Variants in XDH observed in about 807,000 individuals in gnomAD.
XDH encodes the protein xanthine dehydrogenase/oxidase.
XDH carries 138 observed loss-of-function variants against 156.1 expected under a neutral mutation model. The observed-to-expected ratio is 0.88, with a 90% CI of 0.77 to 1.02. The LOEUF is 1.02. Among genes scored for constraint, XDH ranks in the 50% least tolerant of loss-of-function variants. XDH has a pLI of 0.00. For missense variants in XDH, 1,849 were observed against 1,684.9 expected (o/e 1.10, Z -1.71); for synonymous variants, 669 against 625.7 (o/e 1.07, Z -1.03).
rs1046534232 is a variant in XDH, at chr2:31,334,835, T to G, written c.*1123A>C. ...ACCCAGGCTTCTTGGCTCTTCTACC[T>G]CTGGTTGGGCTTGATTTTGATAGCA... is the stretch of plus-strand genomic sequence containing the variant. On this transcript the variant is annotated 3_prime_UTR_variant, in exon 36 of 36. Transcript: ENST00000379416. 6.6e-6 allele frequency: 1 copy of G among 152,138 alleles called. No individual in the cohort carries two copies. Among genetic ancestry groups the G allele is most frequent in the African/African-American group, 2.4e-5 (1 of 41,434 alleles). The allele number at this position is 152,138 out of a possible 1,614,324, so 9.4% of individuals were successfully genotyped here.
chr2:31,387,287 C>T (rs550930857), intron 8 of XDH, among the ~76,000 whole-genome samples: 33 of 152,236 alleles, frequency 2.2e-4, no homozygotes, highest in African/African-American at 5.8e-4. Flanking sequence ...TTGATTCTTT[C>T]GTTGCCATAA....
chr2:31,344,593 C>T, intron 31 of XDH, 91 bp downstream of exon 31: 1 of 1,474,522 alleles, frequency 6.8e-7, no homozygotes, highest in South Asian at 1.1e-5. Flanking sequence ...TCTCTCCTGA[C>T]CACAGCCTGG....
chr2:31,414,657 C>T lies in XDH; in HGVS notation c.10G>A (p.Asp4Asn). The stretch of plus-strand genomic sequence containing the variant: ...CCATTCACAAAGAAAACCAATTTGT[C>T]TGCTGTCATTGTCACAGGTTGGGGT... MTADKLVFFVNGRK... is the reference protein window; with the variant it reads MTANKLVFFVNGRK... The change falls in exon 1 of 36, where the codon GAC becomes AAC. Residue 4 changes from aspartate to asparagine, a missense_variant. Asp to Asn is a conservative substitution (Grantham distance 23, BLOSUM62 1). Coordinates refer to ENST00000379416, the MANE Select transcript of XDH (RefSeq NM_000379.4). 3.7e-6 allele frequency: 6 copies of T among 1,614,124 alleles called. No homozygotes were observed. The highest frequency in any genetic ancestry group is 5.1e-6 in the Non-Finnish European group (6 of 1,179,996).
chr2:31,388,489 T>C (rs567180242), intron 6 of XDH, among the ~76,000 whole-genome samples, 194 bp from the exon 7 acceptor site: 15 of 152,288 alleles, frequency 9.8e-5, no homozygotes, highest in African/African-American at 3.6e-4. Context: ...CTAACGTAGA[T>C]TAAACAACTC....
chr2:31,366,180 T>G (rs1358884588), intron 21 of XDH, 71 bp from the exon 22 acceptor site: 11 of 1,612,508 alleles, frequency 6.8e-6, no homozygotes, highest in Non-Finnish European at 9.3e-6. Context: ...AGGCAGAGCC[T>G]GTCCAACATG....
intron 35 of XDH, among the ~76,000 whole-genome samples, chr2:31,336,700 G>C (rs1333152233): frequency 2.0e-5 from 3 of 150,822 alleles, no homozygotes; most frequent in Non-Finnish European, 4.4e-5. Flanking sequence ...TTCACCCACT[G>C]TGTTGAGGTC....
chr2:31,342,942 T>C (rs1474415016), intron 31 of XDH, among the ~76,000 whole-genome samples: 1 of 152,180 alleles, frequency 6.6e-6, no homozygotes, highest in Admixed American at 6.5e-5. Flanking sequence ...TATAAATATA[T>C]GTGTATATCT....
intron 3 of XDH, among the ~76,000 whole-genome samples, chr2:31,402,560 C>T (rs1367967401): frequency 6.6e-6 from 1 of 152,086 alleles, no homozygotes; most frequent in African/African-American, 2.4e-5. Context: ...TTGTAAAGAG[C>T]TAGTAAGAGT....
intron 24 of XDH, among the ~76,000 whole-genome samples, chr2:31,354,635 C>A (rs1558682573): frequency 6.6e-6 from 1 of 151,816 alleles, no homozygotes; most frequent in Non-Finnish European, 1.5e-5. Context: ...AGGCAACAAC[C>A]AAAATAAATA....
At chr2:31,378,904 G>C (rs1189408452) in intron 13 of XDH, among the ~76,000 whole-genome samples, 1 of 151,790 alleles carries the variant, frequency 6.6e-6, no homozygotes, top group Non-Finnish European at 1.5e-5. Context: ...GGGAATCACT[G>C]CTCAAAATGG....
At chr2:31,414,066 A>G (rs969064781) in intron 1 of XDH, among the ~76,000 whole-genome samples, 1 of 151,486 alleles carries the variant, frequency 6.6e-6, no homozygotes, top group African/African-American at 2.4e-5. Flanking sequence ...GCCCTTTATG[A>G]AAAAAAAATT....
chr2:31,403,589 G>T (rs1278316820), intron 2 of XDH, among the ~76,000 whole-genome samples: 1 of 152,166 alleles, frequency 6.6e-6, no homozygotes, highest in Non-Finnish European at 1.5e-5. Flanking sequence ...GGACCTCTGA[G>T]TCCTTGCTTT....
chr2:31,335,610 G>A lies in XDH; in HGVS notation c.*348C>T. On this transcript the variant is annotated 3_prime_UTR_variant, in exon 36 of 36. Coordinates refer to ENST00000379416, the MANE Select transcript of XDH (RefSeq NM_000379.4). ...AGGTTTGTGGGAATCCTCTTCAAAGGACAGACACCATCAGAACTTGAGGTT... is the reference window on the plus strand; with the variant it reads ...AGGTTTGTGGGAATCCTCTTCAAAGAACAGACACCATCAGAACTTGAGGTT... 1 of 403,294 alleles carries A rather than the reference G, an allele frequency of 2.5e-6. No homozygotes were observed. Among genetic ancestry groups the A allele is most frequent in the Non-Finnish European group, 4.7e-6 (1 of 214,260 alleles). 25.0% of individuals were successfully genotyped at this position (403,294 alleles called of 1,614,324 possible). A position where few individuals can be genotyped will look rare whatever the true frequency, so the allele number is the denominator to read the frequency against.
chr2:31,371,391 A>G (rs1686067962), intron 17 of XDH, among the ~76,000 whole-genome samples: 1 of 152,222 alleles, frequency 6.6e-6, no homozygotes, highest in African/African-American at 2.4e-5. Context: ...TAAGCCAGAA[A>G]GCAGTGTGAC....
intron 32 of XDH, among the ~76,000 whole-genome samples, chr2:31,341,862 T>C (rs1448531885): frequency 1.3e-5 from 2 of 152,156 alleles, no homozygotes; most frequent in Non-Finnish European, 2.9e-5. Flanking sequence ...CAAGTAAAAA[T>C]TGTATGAGAT....
chr2:31,372,094 C>A, intron 17 of XDH, 134 bp downstream of exon 17: 1 of 1,361,272 alleles, frequency 7.3e-7, no homozygotes, highest in Non-Finnish European at 1.0e-6. Context: ...TCCCCTCTCT[C>A]TAGCCTGGGA....
At chr2:31,389,407 C>G (rs1381865418) in intron 6 of XDH, among the ~76,000 whole-genome samples, 2 of 152,162 alleles carry the variant, frequency 1.3e-5, no homozygotes, top group Non-Finnish European at 1.5e-5. Context: ...GCACTGGACA[C>G]CAGACCTGCT....
chr2:31,349,674 C>T lies in XDH; in HGVS notation c.2969+12G>A, dbSNP rs202053477. 1.1e-5 allele frequency: 17 copies of T among 1,614,156 alleles called. No individual in the cohort carries two copies. Among genetic ancestry groups the T allele is most frequent in the Admixed American group, 8.3e-5 (5 of 60,018 alleles). ...CCAGAAGAGCAACTGGACTTCTACT[C>T]CTAGTGCTTACTTGTTGAACTTGTC... On this transcript the variant is annotated intron_variant, in intron 26 of 35. Coordinates refer to ENST00000379416, the MANE Select transcript of XDH (RefSeq NM_000379.4).
chr2:31,364,569 G>A (rs777379646), intron 23 of XDH, among the ~76,000 whole-genome samples: 4 of 152,114 alleles, frequency 2.6e-5, no homozygotes, highest in Non-Finnish European at 5.9e-5. Flanking sequence ...GTCACGATAG[G>A]GCGGGGGGGA....
Sources: allele counts gnomAD v4.1 joint callset (sites outside exome capture counted in the v4.1 genomes callset), GRCh38; gene constraint gnomAD v4.1.1; transcripts MANE v1.5; gene names NCBI Gene and HGNC (gene_info 2026-07-23, HGNC 2026-07-21).